Variants in ARHGAP44 observed in about 807,000 individuals in gnomAD.
ARHGAP44 encodes rho GTPase-activating protein 44.
A neutral mutation model predicts 106.8 loss-of-function variants in ARHGAP44; 43 were observed. The observed-to-expected ratio is 0.40, with a 90% CI of 0.32 to 0.52. The LOEUF is 0.52. ARHGAP44 is among the 20% of genes least tolerant of loss of function. The pLI is 0.48. For missense variants in ARHGAP44, 866 were observed against 1,050.5 expected (o/e 0.82, Z 2.43); for synonymous variants, 439 against 410.3 (o/e 1.07, Z -0.85).
At position 12,891,866 on chromosome 17, in the gene ARHGAP44, C is replaced by T. The variant is rs546759243; in HGVS notation, c.54-3074C>T. Among the ~76,000 whole-genome samples the T allele has an allele frequency of 2.6e-5, 4 of 150,970 alleles. No individual in the cohort carries two copies. The South Asian group carries it at 6.3e-4, about 24-fold the overall frequency. On this transcript the variant is annotated intron_variant, in intron 1 of 20. Transcript: ENST00000379672. ...CTGGAGTGCAGTGGCATGATGTCGGCTCACTGCAACCTCTGCCTCCCCAGG... is the reference window on the plus strand; with the variant it reads ...CTGGAGTGCAGTGGCATGATGTCGGTTCACTGCAACCTCTGCCTCCCCAGG...
intron 19 of ARHGAP44, among the ~76,000 whole-genome samples, chr17:12,980,634 CG>C (rs1419092984): frequency 1.3e-5 from 2 of 152,184 alleles, no homozygotes; most frequent in Non-Finnish European, 2.9e-5. Flanking sequence ...CTAGATCACT[CG>C]TACAGGGTGA....
intron 6 of ARHGAP44, among the ~76,000 whole-genome samples, chr17:12,925,026 G>T (rs1386205019): frequency 2.0e-5 from 3 of 152,110 alleles, no homozygotes; most frequent in Admixed American, 2.0e-4. Flanking sequence ...GTGAAGTCTT[G>T]TTAGAACTGG....
At chr17:12,939,788 T>A (rs1415043511) in intron 7 of ARHGAP44, among the ~76,000 whole-genome samples, 1 of 152,232 alleles carries the variant, frequency 6.6e-6, no homozygotes, top group Non-Finnish European at 1.5e-5. Context: ...CTTCTTTTAC[T>A]CTTTCTTTAT....
At chr17:12,844,791 C>T (rs889629783) in intron 1 of ARHGAP44, among the ~76,000 whole-genome samples, 2 of 151,346 alleles carry the variant, frequency 1.3e-5, no homozygotes, top group Non-Finnish European at 1.5e-5. Flanking sequence ...TATTTTTTGC[C>T]TGCATTTGTA....
At chr17:12,937,922 G>A (rs1378149190) in intron 7 of ARHGAP44, among the ~76,000 whole-genome samples, 2 of 152,078 alleles carry the variant, frequency 1.3e-5, no homozygotes, top group African/African-American at 4.8e-5. Flanking sequence ...CCAATATGGT[G>A]AAACCTTGTC....
intron 1 of ARHGAP44, 49 bp from the exon 2 acceptor site, chr17:12,894,891 G>C: frequency 6.6e-7 from 1 of 1,520,874 alleles, no homozygotes; most frequent in South Asian, 1.2e-5. Flanking sequence ...TAATTATGAG[G>C]CTCTGTTGTT....
At chr17:12,903,144 T>G (rs868796331) in intron 3 of ARHGAP44, among the ~76,000 whole-genome samples, 1 of 113,360 alleles carries the variant, frequency 8.8e-6, no homozygotes, top group African/African-American at 4.9e-5. Flanking sequence ...AGAGAGAGTG[T>G]GTGTGTGTGT....
chr17:12,990,517 GGA>G lies in ARHGAP44; in HGVS notation c.*350_*351del, dbSNP rs1270903402. On this transcript the variant is annotated 3_prime_UTR_variant, in exon 21 of 21. Transcript: ENST00000379672. The stretch of plus-strand genomic sequence containing the variant: ...TCCTTTGCAGGGTCGGGGTGGTGCG[GGA>G]GAGGCTCACTTTGCCTGGTTAGACC... 2 of 217,762 alleles carry G rather than the reference GGA, an allele frequency of 9.2e-6. No individual in the cohort carries two copies. The highest frequency in any genetic ancestry group is 4.4e-5 in the African/African-American group (2 of 45,312). 13.5% of individuals were successfully genotyped at this position (217,762 alleles called of 1,614,324 possible). A position where few individuals can be genotyped will look rare whatever the true frequency, so the allele number is the denominator to read the frequency against.
intron 13 of ARHGAP44, among the ~76,000 whole-genome samples, chr17:12,955,066 A>G (rs1396399120): frequency 6.6e-6 from 1 of 152,184 alleles, no homozygotes; most frequent in Non-Finnish European, 1.5e-5. Flanking sequence ...CTGGCTCCAT[A>G]GATCTGCCTA....
chr17:12,877,771 T>C (rs1308879437), intron 1 of ARHGAP44, among the ~76,000 whole-genome samples: 1 of 151,652 alleles, frequency 6.6e-6, no homozygotes, highest in Non-Finnish European at 1.5e-5. Context: ...ACACTAAAGA[T>C]ATATAAACAT....
chr17:12,803,584 A>G (rs1477746446), intron 1 of ARHGAP44, among the ~76,000 whole-genome samples: 1 of 152,096 alleles, frequency 6.6e-6, no homozygotes, highest in African/African-American at 2.4e-5. Flanking sequence ...CTGTATGCTC[A>G]ACTTCCTGGG....
chr17:12,958,956 G>A lies in ARHGAP44; in HGVS notation c.1523+59G>A. Reference sequence around the variant, plus strand: ...ATTAGGGGAGGTGGTGGGGGTGGATGGGTGACGCATAAGAAAAATACAATT... The same window carrying A: ...ATTAGGGGAGGTGGTGGGGGTGGATAGGTGACGCATAAGAAAAATACAATT... On this transcript the variant is annotated intron_variant, in intron 16 of 20. Coordinates refer to ENST00000379672, the MANE Select transcript of ARHGAP44 (RefSeq NM_014859.6). The surrounding 1 kb of genome is among the most constrained non-coding windows in gnomAD (Gnocchi z 4.1). The A allele has an allele frequency of 6.5e-7, 1 of 1,544,056 alleles. No individual in the cohort carries two copies. Among genetic ancestry groups the A allele is most frequent in the Non-Finnish European group, 8.8e-7 (1 of 1,138,072 alleles).
chr17:12,836,310 A>G (rs1014540068), intron 1 of ARHGAP44, among the ~76,000 whole-genome samples: 5 of 152,182 alleles, frequency 3.3e-5, no homozygotes, highest in Non-Finnish European at 7.3e-5. Flanking sequence ...ATTTATTAAT[A>G]TATCAGATAC....
chr17:12,822,724 C>T lies in ARHGAP44; in HGVS notation c.53+32833C>T, dbSNP rs78074671. Among the ~76,000 whole-genome samples the T allele has an allele frequency of 3.5e-3, 532 of 152,288 alleles. 1 individual carries two copies. The highest frequency in any genetic ancestry group is 0.012 in the African/African-American group (504 of 41,570). ...TATGTTCAATAGTGAAATGTTGGTTCTCCTGGCTGCCCTCCTTGCCTGGCT... is the reference window on the plus strand; with the variant it reads ...TATGTTCAATAGTGAAATGTTGGTTTTCCTGGCTGCCCTCCTTGCCTGGCT... On this transcript the variant is annotated intron_variant, in intron 1 of 20. Coordinates refer to ENST00000379672, the MANE Select transcript of ARHGAP44 (RefSeq NM_014859.6).
intron 1 of ARHGAP44, among the ~76,000 whole-genome samples, chr17:12,870,405 GA>G (rs979127750): frequency 2.0e-5 from 3 of 152,130 alleles, no homozygotes; most frequent in African/African-American, 7.2e-5. Context: ...CGTACTGCCA[GA>G]TTGCCCTCAA....
At chr17:12,810,829 G>A (rs1320621428) in intron 1 of ARHGAP44, among the ~76,000 whole-genome samples, 1 of 152,114 alleles carries the variant, frequency 6.6e-6, no homozygotes, top group African/African-American at 2.4e-5. Flanking sequence ...GATTTAGGGA[G>A]ACCAACCCCT....
In ARHGAP44 at chr17:12,896,429, T is replaced by C; in HGVS notation, c.116T>C (p.Val39Ala). The stretch of plus-strand genomic sequence containing the variant: ...CAGGTGGAGAAGCGTCTGGAGCTGG[T>C]GAAACAGGTGTCCCACAGCACGCAC... ...LLQVEKRLELVKQVSHSTHKK... is the reference protein window; with the variant it reads ...LLQVEKRLELAKQVSHSTHKK... Residue 39 changes from valine to alanine, a missense_variant, in exon 3 of 21, where the codon GTG (valine) becomes GCG (alanine). Coordinates refer to ENST00000379672, the MANE Select transcript of ARHGAP44 (RefSeq NM_014859.6). The C allele has an allele frequency of 6.2e-7, 1 of 1,605,656 alleles. No homozygotes were observed. The highest frequency in any genetic ancestry group is 8.5e-7 in the Non-Finnish European group (1 of 1,176,464).
At chr17:12,922,341 G>A (rs2038106119) in intron 6 of ARHGAP44, among the ~76,000 whole-genome samples, 1 of 152,226 alleles carries the variant, frequency 6.6e-6, no homozygotes, top group African/African-American at 2.4e-5. Flanking sequence ...ACAGCAGAAT[G>A]AGTGGGAAGT....
At chr17:12,909,406 T>TA (rs2037655609) in intron 4 of ARHGAP44, among the ~76,000 whole-genome samples, 1 of 151,854 alleles carries the variant, frequency 6.6e-6, no homozygotes, top group Admixed American at 6.6e-5. Context: ...AATAGAACTA[T>TA]ATGGAAGAAA....
Sources: allele counts gnomAD v4.1 joint callset (sites outside exome capture counted in the v4.1 genomes callset), GRCh38; gene constraint gnomAD v4.1.1; non-coding constraint Gnocchi (gnomAD v3.1); transcripts MANE v1.5; gene names NCBI Gene and HGNC (gene_info 2026-07-23, HGNC 2026-07-21).